LRRC4C: variants seen among roughly 807,000 people sequenced by gnomAD.
LRRC4C encodes leucine-rich repeat-containing protein 4C.
LRRC4C carries 5 observed loss-of-function variants against 33.6 expected under a neutral mutation model. The observed-to-expected ratio is 0.15, with a 90% CI of 0.08 to 0.31. LRRC4C has a LOEUF of 0.31. LRRC4C is among the 10% of genes least tolerant of loss of function. LRRC4C has a pLI of 1.00. For synonymous variants in LRRC4C, 329 were observed against 302.0 expected (o/e 1.09, Z -0.93); for missense variants, 560 against 796.7 (o/e 0.70, Z 3.58).
chr11:40,982,085 A>G (rs1188482680), intron 1 of LRRC4C, among the ~76,000 whole-genome samples: 1 of 152,228 alleles, frequency 6.6e-6, no homozygotes, highest in Non-Finnish European at 1.5e-5. Context: ...TGGATAAATC[A>G]TTCAGTGTTT....
intron 4 of LRRC4C, among the ~76,000 whole-genome samples, chr11:40,266,305 T>TA (rs981308022): frequency 3.5e-4 from 53 of 151,136 alleles, no homozygotes; most frequent in African/African-American, 8.3e-4. Flanking sequence ...TCTCAAAAAA[T>TA]AAAAAAAATT....
chr11:40,200,359 A>G lies in LRRC4C; in HGVS notation c.-96+41160T>C, dbSNP rs111844151. Among the ~76,000 whole-genome samples, 473 of 152,034 alleles carry G rather than the reference A, an allele frequency of 3.1e-3. 2 individuals carry two copies. The highest frequency in any genetic ancestry group is 0.011 in the African/African-American group (442 of 41,456). On this transcript the variant is annotated intron_variant, in intron 5 of 6. Transcript: ENST00000528697. ...AGCCTGGGCGACAGAGCGAGACTCC[A>G]TCTCAAAACAAAACAAAACTCTTCA... is the stretch of plus-strand genomic sequence containing the variant.
intron 2 of LRRC4C, among the ~76,000 whole-genome samples, chr11:40,738,445 T>C (rs1472226305): frequency 6.6e-6 from 1 of 152,116 alleles, no homozygotes; most frequent in Non-Finnish European, 1.5e-5. Flanking sequence ...TTCTAATGTC[T>C]CTCTAGAGGA....
At chr11:40,828,835 C>T (rs888983600) in intron 2 of LRRC4C, among the ~76,000 whole-genome samples, 2 of 151,828 alleles carry the variant, frequency 1.3e-5, no homozygotes, top group Admixed American at 6.6e-5. Flanking sequence ...AGCTTCCATT[C>T]TATTTCCTAA....
intron 1 of LRRC4C, among the ~76,000 whole-genome samples, chr11:41,022,142 T>A (rs574120254): frequency 2.2e-4 from 31 of 139,068 alleles, no homozygotes; most frequent in Middle Eastern, 3.7e-3. Context: ...CAATTTTGTT[T>A]TATATATATA....
chr11:40,957,525 T>C (rs142892206), intron 1 of LRRC4C, among the ~76,000 whole-genome samples: 151 of 151,876 alleles, frequency 9.9e-4, no homozygotes, highest in African/African-American at 3.4e-3. Context: ...ATGTTCAACA[T>C]TACTTAAAGA....
At chr11:40,819,183 G>T (rs1304752079) in intron 2 of LRRC4C, among the ~76,000 whole-genome samples, 1 of 152,128 alleles carries the variant, frequency 6.6e-6, no homozygotes, top group Non-Finnish European at 1.5e-5. Flanking sequence ...GTGCAGAAGA[G>T]TTGGTAGGAC....
intron 2 of LRRC4C, among the ~76,000 whole-genome samples, chr11:40,805,211 C>G (rs1482270730): frequency 1.3e-5 from 2 of 152,128 alleles, no homozygotes; most frequent in Non-Finnish European, 2.9e-5. Flanking sequence ...TGCTGAGTGG[C>G]TGAGATTAGG....
chr11:40,456,976 C>T (rs1263395341), intron 3 of LRRC4C, among the ~76,000 whole-genome samples: 1 of 151,610 alleles, frequency 6.6e-6, no homozygotes, highest in Admixed American at 6.6e-5. Context: ...GTGTGCTATA[C>T]AGTAGTTCAC....
chr11:41,136,786 G>T (rs777670138), intron 1 of LRRC4C, among the ~76,000 whole-genome samples: 10 of 151,996 alleles, frequency 6.6e-5, no homozygotes, highest in Non-Finnish European at 1.5e-4. Context: ...ACTCAGCTCA[G>T]TTATCGAGCC....
At position 41,426,182 on chromosome 11, in the gene LRRC4C, C is replaced by T. The variant is rs1000088194; in HGVS notation, c.-496+33249G>A. The T allele has an allele frequency of 3.9e-5, 6 of 152,184 alleles. 1 individual carries two copies. In the South Asian group the frequency reaches 1.2e-3, roughly 31 times the overall value. The allele number at this position is 152,184 out of a possible 1,614,324, so 9.4% of individuals were successfully genotyped here. ...CTATGCAGAATCCAGGCAGAACACA[C>T]TAGTGACATCTTCCCAGATCTCTGC... On this transcript the variant is annotated intron_variant, in intron 1 of 6. Coordinates refer to ENST00000528697, the MANE Select transcript of LRRC4C (RefSeq NM_001258419.2).
At chr11:40,673,334 A>G (rs1010204871) in intron 2 of LRRC4C, among the ~76,000 whole-genome samples, 1 of 152,172 alleles carries the variant, frequency 6.6e-6, no homozygotes, top group African/African-American at 2.4e-5. Context: ...TAAGTCAGGT[A>G]CAATGTATGG....
At chr11:41,137,487 T>C (rs1943317464) in intron 1 of LRRC4C, among the ~76,000 whole-genome samples, 1 of 152,202 alleles carries the variant, frequency 6.6e-6, no homozygotes, top group Non-Finnish European at 1.5e-5. Flanking sequence ...GTTTTCTCTA[T>C]GATAATGCAT....
chr11:40,484,852 C>T (rs957129858), intron 3 of LRRC4C, among the ~76,000 whole-genome samples: 3 of 152,024 alleles, frequency 2.0e-5, no homozygotes, highest in Non-Finnish European at 4.4e-5. Context: ...AGTCAATGTA[C>T]CACTGACAGT....
chr11:40,427,161 CA>C (rs1157022777), intron 3 of LRRC4C, among the ~76,000 whole-genome samples: 1 of 151,890 alleles, frequency 6.6e-6, no homozygotes, highest in Admixed American at 6.6e-5. Flanking sequence ...GAGAATGGTC[CA>C]AAATAATCTG....
chr11:41,422,781 A>AT lies in LRRC4C; in HGVS notation c.-496+36649dup, dbSNP rs10712009. On this transcript the variant is annotated intron_variant, in intron 1 of 6. Transcript: ENST00000528697. ...TACTTAAAACAGCTTTCTCAAGTAG[A>AT]TTTTTTTTCTTTTTCTTTATAAGTT... Among the ~76,000 whole-genome samples, 54 of 151,710 alleles carry AT rather than the reference A, an allele frequency of 3.6e-4. 1 individual carries two copies. The highest frequency in any genetic ancestry group is 3.3e-3 in the Admixed American group (50 of 15,190).
chr11:41,301,674 T>C (rs892071290), intron 1 of LRRC4C, among the ~76,000 whole-genome samples: 1 of 152,170 alleles, frequency 6.6e-6, no homozygotes, highest in Non-Finnish European at 1.5e-5. Context: ...AATTTTCTTA[T>C]AATTCCATCT....
At chr11:41,231,385 G>A (rs1184408848) in intron 1 of LRRC4C, among the ~76,000 whole-genome samples, 1 of 152,008 alleles carries the variant, frequency 6.6e-6, no homozygotes, top group East Asian at 1.9e-4. Context: ...ATCAATGATA[G>A]ACTGGATTAA....
intron 3 of LRRC4C, among the ~76,000 whole-genome samples, chr11:40,484,440 AG>A (rs1329913352): frequency 6.6e-6 from 1 of 152,096 alleles, no homozygotes; most frequent in African/African-American, 2.4e-5. Flanking sequence ...GAGAAAAAAA[AG>A]GTACTGTGAA....
Sources: allele counts gnomAD v4.1 joint callset (sites outside exome capture counted in the v4.1 genomes callset), GRCh38; gene constraint gnomAD v4.1.1; transcripts MANE v1.5; gene names NCBI Gene and HGNC (gene_info 2026-07-23, HGNC 2026-07-21).